The following NCKAP5 variants were observed in gnomAD, a reference collection of about 807,000 sequenced individuals.
NCKAP5 encodes nck-associated protein 5.
In NCKAP5, 92 loss-of-function variants were observed where a neutral mutation model predicts 167.0. The ratio of observed to expected loss-of-function variants is 0.55; its 90% CI spans 0.47 to 0.66. The LOEUF (loss-of-function observed/expected upper bound fraction) is 0.66. Ranked by LOEUF, NCKAP5 falls within the 30% of genes least tolerant of loss-of-function variation. NCKAP5 has a pLI of 0.00. For synonymous variants in NCKAP5, 891 were observed against 877.4 expected, an observed-to-expected ratio of 1.02 and a Z score of -0.27; for missense variants, 2,378 against 2,315.0, an observed-to-expected ratio of 1.03 and a Z score of -0.56.
At chr2:133,574,292 G>T in the NCKAP5 span, among the ~76,000 whole-genome samples, 3 of 152,132 alleles carry the variant, frequency 2.0e-5, no homozygotes, top group Admixed American at 2.0e-4. Flanking sequence ...GATCATAATA[G>T]TCCCAGACGA....
chr2:133,108,422 C>T (rs138915806), intron 6 of NCKAP5, among the ~76,000 whole-genome samples: 159 of 152,318 alleles, frequency 1.0e-3, no homozygotes, highest in African/African-American at 3.7e-3. Flanking sequence ...AACTCTTTCC[C>T]TTCATCAAAC....
chr2:133,631,272 A>T, the NCKAP5 span, among the ~76,000 whole-genome samples: 560 of 152,314 alleles, frequency 3.7e-3, 3 homozygotes, highest in African/African-American at 0.013. Context: ...ATTTGCACAC[A>T]GTGTCTCACT....
intron 2 of NCKAP5, among the ~76,000 whole-genome samples, chr2:133,557,033 AG>A (rs1687789382): frequency 6.6e-6 from 1 of 152,190 alleles, no homozygotes; most frequent in African/African-American, 2.4e-5. Context: ...AGCTCAATAG[AG>A]GGTAAAATAA....
In NCKAP5 at chr2:132,780,247, G is replaced by C. The variant is rs567759873; in HGVS notation, c.5049+805C>G. On this transcript the variant is annotated intron_variant, in intron 15 of 19. Coordinates refer to ENST00000409261, the MANE Select transcript of NCKAP5 (RefSeq NM_207363.3). ...GCTCGCTGCAAGCTCTGCCTCCTGG[G>C]TTCATGCCATTCTCCTGCCTCAGCC... Among the ~76,000 whole-genome samples the C allele has an allele frequency of 3.0e-4, 45 of 152,274 alleles. 2 individuals carry two copies. The South Asian group carries it at 9.1e-3, about 31-fold the overall frequency.
the NCKAP5 span, among the ~76,000 whole-genome samples, chr2:133,605,551 A>G: frequency 1.3e-5 from 2 of 152,188 alleles, no homozygotes; most frequent in East Asian, 3.8e-4. Flanking sequence ...AACTTGGTAG[A>G]ATAGCTTGAA....
intron 6 of NCKAP5, among the ~76,000 whole-genome samples, chr2:133,011,157 A>G (rs769996451): frequency 1.3e-5 from 2 of 152,218 alleles, no homozygotes; most frequent in Non-Finnish European, 2.9e-5. Flanking sequence ...ATTATTTTCT[A>G]TCTTAAAGCT....
At chr2:133,001,507 A>G (rs1433125535) in intron 6 of NCKAP5, among the ~76,000 whole-genome samples, 1 of 152,150 alleles carries the variant, frequency 6.6e-6, no homozygotes, top group African/African-American at 2.4e-5. Context: ...TTTGAAATGC[A>G]TCAAAAATAT....
chr2:133,211,497 T>C (rs1163291572), intron 5 of NCKAP5, among the ~76,000 whole-genome samples: 1 of 152,154 alleles, frequency 6.6e-6, no homozygotes, highest in African/African-American at 2.4e-5. Context: ...CCCAATACTA[T>C]GCATGTTCTA....
At chr2:133,118,641 T>C (rs2149748914) in intron 6 of NCKAP5, 1 of 152,276 alleles carries the variant, frequency 6.6e-6, no homozygotes, top group Admixed American at 6.5e-5. Flanking sequence ...AATTTTGTGA[T>C]AAAAGTCTGT....
chr2:132,974,145 A>G (rs1310162800), intron 7 of NCKAP5, among the ~76,000 whole-genome samples: 1 of 152,204 alleles, frequency 6.6e-6, no homozygotes, highest in Non-Finnish European at 1.5e-5. Context: ...TAAAGTACTT[A>G]GTTTTTTAAC....
At chr2:132,775,724 C>G (rs975385235) in intron 15 of NCKAP5, among the ~76,000 whole-genome samples, 36 of 152,144 alleles carry the variant, frequency 2.4e-4, no homozygotes, top group African/African-American at 3.4e-4. Context: ...CCAAAGGCCC[C>G]CAAACACCTC....
At chr2:132,801,195 A>G (rs1299201081) in intron 11 of NCKAP5, among the ~76,000 whole-genome samples, 1 of 150,704 alleles carries the variant, frequency 6.6e-6, no homozygotes, top group East Asian at 2.0e-4. Flanking sequence ...AGGTATAAGG[A>G]GTTTGGCTTC....
intron 5 of NCKAP5, among the ~76,000 whole-genome samples, chr2:133,155,358 G>A (rs1380547289): frequency 6.6e-6 from 1 of 152,190 alleles, no homozygotes; most frequent in Non-Finnish European, 1.5e-5. Flanking sequence ...TGGCATTTCT[G>A]ATTCAGTACT....
intron 8 of NCKAP5, among the ~76,000 whole-genome samples, chr2:132,939,560 T>G (rs963804829): frequency 2.2e-4 from 33 of 152,210 alleles, no homozygotes; most frequent in Admixed American, 1.3e-4. Context: ...AGTTAAATTT[T>G]TATTTGTATT....
At chr2:133,541,025 G>C (rs913668242) in intron 2 of NCKAP5, among the ~76,000 whole-genome samples, 2 of 150,260 alleles carry the variant, frequency 1.3e-5, no homozygotes, top group Non-Finnish European at 3.0e-5. Flanking sequence ...TTTTTAAAGG[G>C]TATAAAGATA....
intron 9 of NCKAP5, among the ~76,000 whole-genome samples, chr2:132,869,546 A>G (rs1289013878): frequency 6.6e-6 from 1 of 152,190 alleles, no homozygotes; most frequent in Non-Finnish European, 1.5e-5. Flanking sequence ...TGTTTACTAC[A>G]ACATCCATTT....
At chr2:132,928,683 G>A (rs1394653961) in intron 8 of NCKAP5, among the ~76,000 whole-genome samples, 1 of 152,082 alleles carries the variant, frequency 6.6e-6, no homozygotes, top group Non-Finnish European at 1.5e-5. Context: ...GCTTATACAC[G>A]AATTTGAACA....
chr2:132,754,206 G>A (rs1222019816), intron 16 of NCKAP5, among the ~76,000 whole-genome samples: 6 of 152,066 alleles, frequency 3.9e-5, no homozygotes, highest in African/African-American at 7.2e-5. Flanking sequence ...TGTTTTTATT[G>A]GCTGGTTTCT....
At chr2:132,830,063 T>C (rs1485693404) in intron 11 of NCKAP5, among the ~76,000 whole-genome samples, 4 of 152,178 alleles carry the variant, frequency 2.6e-5, no homozygotes, top group Non-Finnish European at 5.9e-5. Flanking sequence ...TCTGCTCCTC[T>C]TACACAAACT....
Sources: allele counts gnomAD v4.1 joint callset (sites outside exome capture counted in the v4.1 genomes callset), GRCh38; gene constraint gnomAD v4.1.1; transcripts MANE v1.5; gene names NCBI Gene and HGNC (gene_info 2026-07-23, HGNC 2026-07-21).